The following ABHD12 variants were observed in gnomAD, a reference collection of about 807,000 sequenced individuals.
The protein encoded by ABHD12 is abhydrolase domain containing 12, lysophospholipase, also known as lysophosphatidylserine lipase ABHD12.
ABHD12 carries 43 observed loss-of-function variants against 58.3 expected under a neutral mutation model. The ratio of observed to expected loss-of-function variants is 0.74; its 90% CI spans 0.58 to 0.95. ABHD12 has a LOEUF of 0.95. ABHD12 is among the 40% of genes least tolerant of loss of function. The probability of loss-of-function intolerance (pLI) is 0.00; values close to 1 mark genes in which losing one functional copy is unlikely to be tolerated. For synonymous variants in ABHD12, 219 were observed against 211.2 expected (o/e 1.04, Z -0.32); for missense variants, 539 against 537.2 (o/e 1.00, Z -0.03).
chr20:25,301,296 T>G (rs1253539591), intron 12 of ABHD12, among the ~76,000 whole-genome samples: 1 of 152,196 alleles, frequency 6.6e-6, no homozygotes, highest in Non-Finnish European at 1.5e-5. Context: ...CAAAGGCAAC[T>G]GGAGAAAAGC....
At chr20:25,326,125 G>A (rs1339598909) in intron 2 of ABHD12, among the ~76,000 whole-genome samples, 3 of 143,526 alleles carry the variant, frequency 2.1e-5, no homozygotes, top group Non-Finnish European at 4.6e-5. Context: ...GAGGGGAGGG[G>A]AGGGAAGGGA....
chr20:25,378,454 G>A (rs1484199349), intron 1 of ABHD12, among the ~76,000 whole-genome samples: 2 of 152,178 alleles, frequency 1.3e-5, no homozygotes, highest in African/African-American at 4.8e-5. Flanking sequence ...TGGTTATCCA[G>A]GACCAGGAGT....
At chr20:25,347,057 G>A (rs554887187) in intron 1 of ABHD12, among the ~76,000 whole-genome samples, 24 of 152,280 alleles carry the variant, frequency 1.6e-4, no homozygotes, top group African/African-American at 4.1e-4. Flanking sequence ...AGGGTGGTAC[G>A]AGAATGGCAG....
downstream of ABHD12, chr20:25,296,416 C>T (rs762351986): frequency 1.9e-6 from 3 of 1,614,070 alleles, no homozygotes; most frequent in South Asian, 1.1e-5. Context: ...ATCGCCTGCT[C>T]GGGCAAGTTC....
chr20:25,367,783 T>C (rs1228097913), intron 1 of ABHD12, among the ~76,000 whole-genome samples: 1 of 152,256 alleles, frequency 6.6e-6, no homozygotes, highest in African/African-American at 2.4e-5. Flanking sequence ...ATTTTGCTTA[T>C]CCATTCATCC....
intron 2 of ABHD12, among the ~76,000 whole-genome samples, chr20:25,324,753 G>A (rs1277490089): frequency 2.0e-5 from 3 of 152,226 alleles, no homozygotes. Context: ...ACCATGTGGG[G>A]AGACAGTTCC....
Position 25,306,826 on chromosome 20 carries a change from TACTC to T in ABHD12, c.950+3_950+6del. On this transcript the variant is annotated splice_donor_5th_base_variant and intron_variant, in intron 10 of 12. Transcript: ENST00000339157. ...AGGAAAATTAGTTCCTGTCCCATAATACTCACTTTTCATCATTTGCAAATTTAAT... is the reference window on the plus strand; with the variant it reads ...AGGAAAATTAGTTCCTGTCCCATAATACTTTTCATCATTTGCAAATTTAAT... The T allele has an allele frequency of 6.3e-7, 1 of 1,590,910 alleles. No individual in the cohort carries two copies. The highest frequency in any genetic ancestry group is 1.3e-5 in the African/African-American group (1 of 74,482).
chr20:25,370,827 A>T (rs956078093), intron 1 of ABHD12, among the ~76,000 whole-genome samples: 1 of 150,500 alleles, frequency 6.6e-6, no homozygotes, highest in African/African-American at 2.4e-5. Context: ...ATTTTTATTA[A>T]TTCTTCTTGT....
At chr20:25,315,826 C>T (rs1568722300) in intron 5 of ABHD12, among the ~76,000 whole-genome samples, 1 of 152,214 alleles carries the variant, frequency 6.6e-6, no homozygotes, top group African/African-American at 2.4e-5. Context: ...GCTGGGTGTG[C>T]CCCCGCCTCT....
At chr20:25,323,686 G>A (rs970634722) in intron 2 of ABHD12, among the ~76,000 whole-genome samples, 2 of 152,232 alleles carry the variant, frequency 1.3e-5, no homozygotes, top group African/African-American at 4.8e-5. Flanking sequence ...CATGGGCAGG[G>A]ACAGAGACTG....
intron 2 of ABHD12, among the ~76,000 whole-genome samples, chr20:25,326,584 G>C (rs2145990399): frequency 6.6e-6 from 1 of 152,292 alleles, no homozygotes; most frequent in African/African-American, 2.4e-5. Flanking sequence ...GCCAATTCTA[G>C]AAGCCTATGT....
chr20:25,333,502 C>A (rs1468265994), intron 2 of ABHD12, among the ~76,000 whole-genome samples: 2 of 147,992 alleles, frequency 1.4e-5, no homozygotes, highest in African/African-American at 4.9e-5. Flanking sequence ...GAGACACAAC[C>A]AAAAAAGAGA....
At chr20:25,340,084 G>T (rs1355844677) in intron 1 of ABHD12, among the ~76,000 whole-genome samples, 1 of 152,166 alleles carries the variant, frequency 6.6e-6, no homozygotes, top group Non-Finnish European at 1.5e-5. Flanking sequence ...CTTCTCTACA[G>T]TACAAAATTG....
At chr20:25,316,975 C>G in intron 5 of ABHD12, 73 bp downstream of exon 5, 2 of 1,338,480 alleles carry the variant, frequency 1.5e-6, no homozygotes, top group African/African-American at 2.9e-5. Flanking sequence ...AGCTGTGAGT[C>G]TGGTGACTCC....
chr20:25,390,523 C>G lies in ABHD12; in HGVS notation c.181G>C (p.Ala61Pro), dbSNP rs2090160272. The G allele has an allele frequency of 6.8e-7, 1 of 1,466,982 alleles. No individual in the cohort carries two copies. The highest frequency in any genetic ancestry group is 1.5e-5 in the African/African-American group (1 of 67,618). 90.9% of individuals were successfully genotyped at this position (1,466,982 alleles called of 1,614,324 possible). A position where few individuals can be genotyped will look rare whatever the true frequency, so the allele number is the denominator to read the frequency against. ...CGCGCGAAGCCTCACCTGCCCAGCG[C>G]CCGCTTCATTCCCGCGTCGGCTGCG... ...RCAADAGMKRALGRRKGVWLR... is the reference protein window; with the variant it reads ...RCAADAGMKRPLGRRKGVWLR... The change falls in exon 1 of 13, where the codon GCG (alanine) becomes CCG (proline). Residue 61 changes from alanine (A) to proline (P), a missense_variant. By Grantham distance (27) the Ala-to-Pro change is conservative. Coordinates refer to ENST00000339157, the MANE Select transcript of ABHD12 (RefSeq NM_001042472.3).
intron 1 of ABHD12, among the ~76,000 whole-genome samples, chr20:25,361,741 G>A (rs949243507): frequency 4.6e-5 from 7 of 151,880 alleles, no homozygotes; most frequent in African/African-American, 1.7e-4. Flanking sequence ...GGATCACGAG[G>A]TCAGGAGATC....
At chr20:25,296,996 C>T (rs980061406), downstream of ABHD12, 18 of 167,446 alleles carry the variant, frequency 1.1e-4, no homozygotes, top group African/African-American at 4.1e-4. Context: ...TAGCCCCAGT[C>T]ATCCTGCCCA....
intron 1 of ABHD12, among the ~76,000 whole-genome samples, chr20:25,387,496 A>C (rs2090106568): frequency 6.6e-6 from 1 of 151,402 alleles, no homozygotes; most frequent in African/African-American, 2.4e-5. Flanking sequence ...ACGGTATTTC[A>C]TACCTAACAC....
chr20:25,376,447 C>T (rs1214660753), intron 1 of ABHD12, among the ~76,000 whole-genome samples: 1 of 152,076 alleles, frequency 6.6e-6, no homozygotes, highest in Non-Finnish European at 1.5e-5. Context: ...CTCTTTGTTC[C>T]CAAAGAAGAA....
Sources: allele counts gnomAD v4.1 joint callset (sites outside exome capture counted in the v4.1 genomes callset), GRCh38; gene constraint gnomAD v4.1.1; transcripts MANE v1.5; gene names NCBI Gene and HGNC (gene_info 2026-07-23, HGNC 2026-07-21).